WWC1: variants seen among roughly 807,000 people sequenced by gnomAD.
WWC1 encodes the protein WW and C2 domain containing 1.
WWC1 carries 55 observed loss-of-function variants against 138.4 expected under a neutral mutation model. The ratio of observed to expected loss-of-function variants is 0.40; its 90% confidence interval spans 0.32 to 0.50. WWC1 has a LOEUF of 0.50. Ranked by LOEUF, WWC1 falls within the 20% of genes least tolerant of loss-of-function variation. The pLI is 0.72. For synonymous variants in WWC1, 524 were observed against 564.9 expected, an observed-to-expected ratio of 0.93 and a Z score of 1.03; for missense variants, 1,226 against 1,420.4, an observed-to-expected ratio of 0.86 and a Z score of 2.20.
intron 12 of WWC1, among the ~76,000 whole-genome samples, chr5:168,428,397 A>G (rs572741987): frequency 3.7e-4 from 56 of 152,044 alleles, no homozygotes; most frequent in Non-Finnish European, 6.5e-4. Context: ...GCTAAGGAGC[A>G]AGCACTAGAG....
chr5:168,459,254 CA>C (rs34453947), intron 19 of WWC1, among the ~76,000 whole-genome samples: 280 of 94,828 alleles, frequency 3.0e-3, no homozygotes, highest in African/African-American at 7.1e-3. Context: ...AACCCTGTCT[CA>C]AAAAAAAAAA....
At position 168,322,972 on chromosome 5, in the gene WWC1, C is replaced by T. The variant is rs140526344; in HGVS notation, c.119+30701C>T. Among the ~76,000 whole-genome samples, 13 of 152,242 alleles carry T rather than the reference C, an allele frequency of 8.5e-5. No individual in the cohort carries two copies. In the East Asian group the frequency reaches 2.5e-3, roughly 29 times the overall value. On this transcript the variant is annotated intron_variant, in intron 1 of 22. Coordinates refer to ENST00000265293, the MANE Select transcript of WWC1 (RefSeq NM_015238.3). ...TCAGCAACTTCATATTGACAGTGTC[C>T]AGCCAACAGTAGAAAAGGTACTCAG...
rs3083619 is a variant in WWC1 at position 168,357,303 on chromosome 5, TACAC to T, written c.120-14094_120-14091del. Among the ~76,000 whole-genome samples the T allele has an allele frequency of 4.5e-4, 66 of 145,208 alleles. 1 individual carries two copies. Among genetic ancestry groups the T allele is most frequent in the East Asian group, 3.8e-3 (18 of 4,774 alleles). On this transcript the variant is annotated intron_variant, in intron 1 of 22. Coordinates refer to ENST00000265293, the MANE Select transcript of WWC1 (RefSeq NM_015238.3). The stretch of plus-strand genomic sequence containing the variant: ...TGTCTTTTTCTTCCTCTTTCTCTCT[TACAC>T]ACACACACACACACACACACACACA...
intron 4 of WWC1, 38 bp from the exon 5 acceptor site, chr5:168,399,450 C>T (rs768944853): frequency 6.2e-7 from 1 of 1,611,862 alleles, no homozygotes; most frequent in African/African-American, 1.3e-5. Context: ...TGGTGTCAGC[C>T]TCTGACCCAG....
intron 19 of WWC1, among the ~76,000 whole-genome samples, chr5:168,456,182 T>C (rs1756299295): frequency 6.6e-6 from 1 of 152,052 alleles, no homozygotes; most frequent in Non-Finnish European, 1.5e-5. Context: ...CATGCACTTG[T>C]AGTCCCAGCT....
At chr5:168,410,440 T>C (rs1462235125) in intron 8 of WWC1, among the ~76,000 whole-genome samples, 1 of 152,176 alleles carries the variant, frequency 6.6e-6, no homozygotes, top group Non-Finnish European at 1.5e-5. Context: ...CTCTGGGATT[T>C]AGATGTTCTG....
At chr5:168,387,736 T>C (rs754261811) in intron 3 of WWC1, among the ~76,000 whole-genome samples, 3 of 152,274 alleles carry the variant, frequency 2.0e-5, no homozygotes, top group Non-Finnish European at 2.9e-5. Context: ...TAAGCCTGAC[T>C]ATTTCCCCAA....
At chr5:168,306,995 ACT>A (rs142656551) in intron 1 of WWC1, among the ~76,000 whole-genome samples, 2,504 of 152,256 alleles carry the variant, frequency 0.016, 20 homozygotes, top group Non-Finnish European at 0.025. Context: ...CATCTTCGAG[ACT>A]CCAAGAAAAT....
chr5:168,330,744 TGTTGGCA>T (rs1468529203), intron 1 of WWC1, among the ~76,000 whole-genome samples: 2 of 152,138 alleles, frequency 1.3e-5, no homozygotes, highest in Non-Finnish European at 1.5e-5. Flanking sequence ...TGTCTGGGAC[TGTTGGCA>T]GGCAGCAGTC....
At chr5:168,438,575 A>G (rs896752866) in intron 15 of WWC1, among the ~76,000 whole-genome samples, 1 of 152,148 alleles carries the variant, frequency 6.6e-6, no homozygotes, top group East Asian at 1.9e-4. Flanking sequence ...GAACGGATTA[A>G]TACACTTGGC....
intron 1 of WWC1, among the ~76,000 whole-genome samples, chr5:168,340,430 A>G (rs1208657275): frequency 6.6e-6 from 1 of 152,192 alleles, no homozygotes; most frequent in Non-Finnish European, 1.5e-5. Flanking sequence ...AATCACTTTT[A>G]TAATATTTTC....
chr5:168,455,491 C>T lies in WWC1; in HGVS notation c.2794C>T (p.Pro932Ser), dbSNP rs1272133887. The change falls in exon 19 of 23, where the codon CCA becomes TCA. Residue 932 changes from proline (P) to serine (S), a missense_variant. Coordinates refer to ENST00000265293, the MANE Select transcript of WWC1 (RefSeq NM_015238.3). ...CATCATCCGCTCTAAGACCTTCTCC[C>T]CAGGACCCCAGAGCCAGTACGTGTG... is the stretch of plus-strand genomic sequence containing the variant. ...STIIRSKTFSPGPQSQYVCRL... is the reference protein window; with the variant it reads ...STIIRSKTFSSGPQSQYVCRL... 1.2e-6 allele frequency: 2 copies of T among 1,613,000 alleles called. No individual in the cohort carries two copies. The highest frequency in any genetic ancestry group is 1.3e-5 in the African/African-American group (1 of 74,880).
intron 1 of WWC1, among the ~76,000 whole-genome samples, chr5:168,353,268 T>C (rs1775132280): frequency 6.6e-6 from 1 of 152,090 alleles, no homozygotes; most frequent in African/African-American, 2.4e-5. Flanking sequence ...TTCCCCCTAC[T>C]CCCTAGGCTT....
At chr5:168,421,104 T>G (rs536772657) in intron 9 of WWC1, among the ~76,000 whole-genome samples, 1 of 152,326 alleles carries the variant, frequency 6.6e-6, no homozygotes, top group South Asian at 2.1e-4. Context: ...GTATGTCCAG[T>G]TAACAGGCAG....
chr5:168,443,804 A>C (rs1755001582), intron 16 of WWC1, among the ~76,000 whole-genome samples: 1 of 152,244 alleles, frequency 6.6e-6, no homozygotes, highest in African/African-American at 2.4e-5. Context: ...CAAATTAACC[A>C]TGTGCTCAGA....
chr5:168,450,991 A>G (rs1004388653), intron 17 of WWC1, among the ~76,000 whole-genome samples: 6 of 152,124 alleles, frequency 3.9e-5, no homozygotes, highest in African/African-American at 1.4e-4. Context: ...CAATAATAAG[A>G]CAACCCAATT....
intron 1 of WWC1, among the ~76,000 whole-genome samples, chr5:168,296,590 C>G (rs1232466107): frequency 1.3e-5 from 2 of 152,192 alleles, no homozygotes; most frequent in African/African-American, 4.8e-5. Context: ...CATGGAAAGG[C>G]CTCCTGTTTA....
intron 7 of WWC1, among the ~76,000 whole-genome samples, chr5:168,409,337 C>G (rs1177105420): frequency 6.6e-6 from 1 of 152,222 alleles, no homozygotes; most frequent in Non-Finnish European, 1.5e-5. Flanking sequence ...GACCGGTGAG[C>G]CTTGTAGCTT....
chr5:168,367,059 A>C (rs1342306512), intron 1 of WWC1, among the ~76,000 whole-genome samples: 1 of 151,864 alleles, frequency 6.6e-6, no homozygotes, highest in East Asian at 1.9e-4. Flanking sequence ...CAGCCTCCCA[A>C]ATGCTGAGAT....
Sources: allele counts gnomAD v4.1 joint callset (sites outside exome capture counted in the v4.1 genomes callset), GRCh38; gene constraint gnomAD v4.1.1; transcripts MANE v1.5; gene names NCBI Gene and HGNC (gene_info 2026-07-23, HGNC 2026-07-21).